The following CCND2 variants were observed in gnomAD, a reference collection of about 807,000 sequenced individuals.
CCND2 encodes cyclin D2, also known as G1/S-specific cyclin-D2.
CCND2 carries 6 observed loss-of-function variants against 30.2 expected under a neutral mutation model. The ratio of observed to expected loss-of-function variants is 0.20; its 90% CI spans 0.11 to 0.39. The LOEUF is 0.39. CCND2 is among the 10% of genes least tolerant of loss of function. CCND2 has a pLI of 1.00. For missense variants in CCND2, 235 were observed against 373.4 expected (o/e 0.63, Z 3.06); for synonymous variants, 150 against 153.1 (o/e 0.98, Z 0.15).
Position 4,301,683 on chromosome 12 carries a change from G to GT in CCND2, c.*1674_*1675insT, listed in dbSNP as rs1289531793. On this transcript the variant is annotated 3_prime_UTR_variant, in exon 5 of 5. Coordinates refer to ENST00000261254, the MANE Select transcript of CCND2 (RefSeq NM_001759.4). The stretch of plus-strand genomic sequence containing the variant: ...TTTTTAATTTTGTTTTGTTCAGTTT[G>GT]GTTTTTTTTTTTTTTTGCGCTGCTA... 4.8e-5 allele frequency: 10 copies of GT among 209,998 alleles called. No homozygotes were observed. Among genetic ancestry groups the GT allele is most frequent in the Admixed American group, 6.1e-5 (1 of 16,356 alleles). The allele number at this position is 209,998 out of a possible 1,614,324, so 13.0% of individuals were successfully genotyped here.
At chr12:4,292,151 G>A (rs1357663402) in intron 4 of CCND2, among the ~76,000 whole-genome samples, 1 of 151,854 alleles carries the variant, frequency 6.6e-6, no homozygotes, top group African/African-American at 2.4e-5. Flanking sequence ...GTGTATATAT[G>A]TATATACACA....
rs567210931 is a variant in CCND2, at chr12:4,292,086, G to A, written c.720+3096G>A. Among the ~76,000 whole-genome samples the A allele has an allele frequency of 6.6e-5, 10 of 152,258 alleles. No homozygotes were observed. The South Asian group carries it at 2.1e-3, about 32-fold the overall frequency. On this transcript the variant is annotated intron_variant, in intron 4 of 4. Transcript: ENST00000261254. Reference sequence around the variant, plus strand: ...ACTTAATGCCACTGTACATTTAAAAGTGGCTGAAAAGGGAAATTTGACATT... The same window carrying A: ...ACTTAATGCCACTGTACATTTAAAAATGGCTGAAAAGGGAAATTTGACATT...
Position 4,276,106 on chromosome 12 carries a change from A to G in CCND2, c.297A>G (p.Gln99=). Reference sequence around the variant, plus strand: ...TCCCGACTCCGAAGTCCCATCTGCAACTCCTGGGTGCTGTCTGCATGTTCC... The same window carrying G: ...TCCCGACTCCGAAGTCCCATCTGCAGCTCCTGGGTGCTGTCTGCATGTTCC... ...AGVPTPKSHL[Q]LLGAVCMFLA... Residue 99 remains glutamine (Q), a synonymous_variant, in exon 2 of 5, where the codon CAA becomes CAG. Coordinates refer to ENST00000261254, the MANE Select transcript of CCND2 (RefSeq NM_001759.4). This position sits in a 1 kb window ranked among gnomAD's most constrained non-coding sequence, Gnocchi z 4.8. 6.2e-7 allele frequency: 1 copy of G among 1,612,636 alleles called. No homozygotes were observed. The highest frequency in any genetic ancestry group is 8.5e-7 in the Non-Finnish European group (1 of 1,179,670).
At chr12:4,283,618 C>T (rs1210305418) in intron 3 of CCND2, among the ~76,000 whole-genome samples, 1 of 152,226 alleles carries the variant, frequency 6.6e-6, no homozygotes, top group African/African-American at 2.4e-5. Flanking sequence ...ACCATCATCA[C>T]CGCCGTCATA....
chr12:4,276,849 G>A lies in CCND2; in HGVS notation c.411+629G>A, dbSNP rs1863880741. 6.6e-6 allele frequency among the ~76,000 whole-genome samples: 1 copy of A among 152,170 alleles called. No homozygotes were observed. The highest frequency in any genetic ancestry group is 2.4e-5 in the African/African-American group (1 of 41,432). ...TGTCTTATCTCTGCTTTTCTACCAG[G>A]GAACCTTTTTCCCACCTGATCTAAC... is the stretch of plus-strand genomic sequence containing the variant. On this transcript the variant is annotated intron_variant, in intron 2 of 4. Transcript: ENST00000261254. This position sits in a 1 kb window ranked among gnomAD's most constrained non-coding sequence, Gnocchi z 4.8.
At position 4,288,873 on chromosome 12, in the gene CCND2, G is replaced by T; in HGVS notation, c.603G>T (p.Met201Ile). ...AGTTTGCCATGTACCCACCGTCGAT[G>T]ATCGCAACTGGAAGTGTGGGAGCAG... The part of the protein sequence containing the change: ...DFKFAMYPPS[M>I]IATGSVGAAI... The change falls in exon 4 of 5, where the codon ATG (methionine) becomes ATT (isoleucine). Residue 201 changes from methionine to isoleucine, a missense_variant. Met to Ile is a conservative substitution (Grantham distance 10). Transcript: ENST00000261254. 6.2e-7 allele frequency: 1 copy of T among 1,613,544 alleles called. No homozygotes were observed. The highest frequency in any genetic ancestry group is 8.5e-7 in the Non-Finnish European group (1 of 1,179,790).
In CCND2 at chr12:4,280,621, T is replaced by TA. The variant is rs1437955286; in HGVS notation, c.571+1702_571+1703insA. Among the ~76,000 whole-genome samples the TA allele has an allele frequency of 4.6e-3, 701 of 152,324 alleles. 12 individuals carry two copies. Among genetic ancestry groups the TA allele is most frequent in the African/African-American group, 0.016 (678 of 41,556 alleles). Reference sequence around the variant, plus strand: ...TGGCCCGGGCCCGAGAGGTCAGTCCTCCAGTGACCTGTCATTTTGTCTCCC... The same window carrying TA: ...TGGCCCGGGCCCGAGAGGTCAGTCCTACCAGTGACCTGTCATTTTGTCTCCC... On this transcript the variant is annotated intron_variant, in intron 3 of 4. Transcript: ENST00000261254.
rs1286678183 is a variant in CCND2, at chr12:4,304,710, G to A, written c.*4701G>A. The A allele has an allele frequency of 1.7e-5, 4 of 233,518 alleles. No individual in the cohort carries two copies. The highest frequency in any genetic ancestry group is 3.4e-5 in the Non-Finnish European group (4 of 118,042). The allele number at this position is 233,518 out of a possible 1,614,324, so 14.5% of individuals were successfully genotyped here. A position where few individuals can be genotyped will look rare whatever the true frequency, so the allele number is the denominator to read the frequency against. On this transcript the variant is annotated 3_prime_UTR_variant, in exon 5 of 5. Coordinates refer to ENST00000261254, the MANE Select transcript of CCND2 (RefSeq NM_001759.4). The surrounding 1 kb of genome is among the most constrained non-coding windows in gnomAD (Gnocchi z 6.2). Reference sequence around the variant, plus strand: ...CTGTAGCTGCAGCCTGCATCCCTTCGCCTGCAGCCTACTTTGGGGAAATAA... The same window carrying A: ...CTGTAGCTGCAGCCTGCATCCCTTCACCTGCAGCCTACTTTGGGGAAATAA...
At position 4,285,359 on chromosome 12, in the gene CCND2, C is replaced by A; in HGVS notation, c.572-3483C>A. 1 of 985,334 alleles carries A rather than the reference C, an allele frequency of 1.0e-6. No individual in the cohort carries two copies. The highest frequency in any genetic ancestry group is 1.2e-6 in the Non-Finnish European group (1 of 829,814). 61.0% of individuals were successfully genotyped at this position (985,334 alleles called of 1,614,324 possible). ...GCGAGGGCACACCCTCACCCCTGAG[C>A]GTGCCTTCTGCACCAGCATATTGCT... is the stretch of plus-strand genomic sequence containing the variant. On this transcript the variant is annotated intron_variant, in intron 3 of 4. Transcript: ENST00000261254. The surrounding 1 kb of genome is among the most constrained non-coding windows in gnomAD (Gnocchi z 4.1).
At chr12:4,289,484 TC>T (rs1249366971) in intron 4 of CCND2, among the ~76,000 whole-genome samples, 22 of 152,080 alleles carry the variant, frequency 1.4e-4, no homozygotes, top group Non-Finnish European at 2.9e-4. Context: ...TCTCGACCCC[TC>T]CCCGCTCTCT....
intron 4 of CCND2, chr12:4,297,796 A>G: frequency 2.2e-6 from 1 of 447,292 alleles, no homozygotes; most frequent in South Asian, 1.6e-5. Context: ...GGATGTAACC[A>G]GGAGATGCCA....
intron 2 of CCND2, among the ~76,000 whole-genome samples, chr12:4,277,563 C>CT (rs1863891650): frequency 6.6e-6 from 1 of 152,246 alleles, no homozygotes; most frequent in Non-Finnish European, 1.5e-5. Context: ...ACACCCAAAT[C>CT]TTTCCAGGAC....
At position 4,285,402 on chromosome 12, in the gene CCND2, A is replaced by G. The variant is rs1361224412; in HGVS notation, c.572-3440A>G. On this transcript the variant is annotated intron_variant, in intron 3 of 4. Coordinates refer to ENST00000261254, the MANE Select transcript of CCND2 (RefSeq NM_001759.4). This position sits in a 1 kb window ranked among gnomAD's most constrained non-coding sequence, Gnocchi z 4.1. The stretch of plus-strand genomic sequence containing the variant: ...ATATTGCTTGTTGGCATTTTTGATC[A>G]AGAGACTTAACAGACTGCTGAGAAA... 2.0e-6 allele frequency: 2 copies of G among 985,314 alleles called. No homozygotes were observed. Among genetic ancestry groups the G allele is most frequent in the Non-Finnish European group, 1.2e-6 (1 of 829,922 alleles). The allele number at this position is 985,314 out of a possible 1,614,324, so 61.0% of individuals were successfully genotyped here.
At position 4,276,539 on chromosome 12, in the gene CCND2, TTAAC is replaced by T. The variant is rs1373242449; in HGVS notation, c.411+320_411+323del. On this transcript the variant is annotated intron_variant, in intron 2 of 4. Coordinates refer to ENST00000261254, the MANE Select transcript of CCND2 (RefSeq NM_001759.4). This position sits in a 1 kb window ranked among gnomAD's most constrained non-coding sequence, Gnocchi z 4.8. The stretch of plus-strand genomic sequence containing the variant: ...GTAGGGGACGCATGGAATATTTTAA[TTAAC>T]AGTGATAATATTTTAATTAAATTCC... Among the ~76,000 whole-genome samples, 2 of 152,202 alleles carry T rather than the reference TTAAC, an allele frequency of 1.3e-5. No homozygotes were observed. Among genetic ancestry groups the T allele is most frequent in the Non-Finnish European group, 2.9e-5 (2 of 68,042 alleles).
rs887854769 is a variant in CCND2 at position 4,302,165 on chromosome 12, A to G, written c.*2156A>G. On this transcript the variant is annotated 3_prime_UTR_variant, in exon 5 of 5. Coordinates refer to ENST00000261254, the MANE Select transcript of CCND2 (RefSeq NM_001759.4). The stretch of plus-strand genomic sequence containing the variant: ...CTCAGGTGGAAGGCAGGGCGGTCTC[A>G]CTCCCAGGGACCTTTTTGGTCATGG... 3 of 232,620 alleles carry G rather than the reference A, an allele frequency of 1.3e-5. No homozygotes were observed. The highest frequency in any genetic ancestry group is 6.7e-5 in the African/African-American group (3 of 45,110). 14.4% of individuals were successfully genotyped at this position (232,620 alleles called of 1,614,324 possible). A position where few individuals can be genotyped will look rare whatever the true frequency, so the allele number is the denominator to read the frequency against.
At position 4,299,218 on chromosome 12, in the gene CCND2, G is replaced by T. The variant is rs572121689; in HGVS notation, c.721-642G>T. 6.6e-6 allele frequency among the ~76,000 whole-genome samples: 1 copy of T among 152,346 alleles called. No homozygotes were observed. The highest frequency in any genetic ancestry group is 6.5e-5 in the Admixed American group (1 of 15,308). ...GTACTAAAAATACAAAAATTAGCCA[G>T]GCGCGGTGGCGGGTGCCTGTAGTCC... On this transcript the variant is annotated intron_variant, in intron 4 of 4. Coordinates refer to ENST00000261254, the MANE Select transcript of CCND2 (RefSeq NM_001759.4). The surrounding 1 kb of genome is among the most constrained non-coding windows in gnomAD (Gnocchi z 5.2).
rs1216106902 is a variant in CCND2 at position 4,274,973 on chromosome 12, T to A, written c.195+738T>A. 6.6e-6 allele frequency: 1 copy of A among 152,148 alleles called. No homozygotes were observed. Among genetic ancestry groups the A allele is most frequent in the Admixed American group, 6.5e-5 (1 of 15,278 alleles). The allele number at this position is 152,148 out of a possible 1,614,324, so 9.4% of individuals were successfully genotyped here. ...CACCCCATTATCCCGGCCACCCCACTTCTAATCGTGCCCTCTCCCCCACCC... is the reference window on the plus strand; with the variant it reads ...CACCCCATTATCCCGGCCACCCCACATCTAATCGTGCCCTCTCCCCCACCC... On this transcript the variant is annotated intron_variant, in intron 1 of 4. Transcript: ENST00000261254. This position sits in a 1 kb window ranked among gnomAD's most constrained non-coding sequence, Gnocchi z 7.7.
At chr12:4,294,008 T>C (rs1289314103) in intron 4 of CCND2, among the ~76,000 whole-genome samples, 2 of 152,178 alleles carry the variant, frequency 1.3e-5, no homozygotes, top group Non-Finnish European at 2.9e-5. Context: ...TGAGATAGTT[T>C]CCTAAGTTGT....
At position 4,300,296 on chromosome 12, in the gene CCND2, AC is replaced by A; in HGVS notation, c.*289del. On this transcript the variant is annotated 3_prime_UTR_variant, in exon 5 of 5. Transcript: ENST00000261254. ...GTAATAGTAAAATGCTTACAGGAAA[AC>A]CTGCAGAGTAGTTAGAGAATATGTA... 2.9e-6 allele frequency: 1 copy of A among 341,652 alleles called. No individual in the cohort carries two copies. Among genetic ancestry groups the A allele is most frequent in the Non-Finnish European group, 5.4e-6 (1 of 185,734 alleles). 21.2% of individuals were successfully genotyped at this position (341,652 alleles called of 1,614,324 possible).
Sources: allele counts gnomAD v4.1 joint callset (sites outside exome capture counted in the v4.1 genomes callset), GRCh38; gene constraint gnomAD v4.1.1; non-coding constraint Gnocchi (gnomAD v3.1); transcripts MANE v1.5; gene names NCBI Gene and HGNC (gene_info 2026-07-23, HGNC 2026-07-21).